Variants in SNX25 observed in about 807,000 individuals in gnomAD.
The protein encoded by SNX25 is sorting nexin 25.
In SNX25, 62 loss-of-function variants were observed where a neutral mutation model predicts 113.7. The ratio of observed to expected loss-of-function variants is 0.55; its 90% CI spans 0.44 to 0.67. The LOEUF is 0.67. Ranked by LOEUF, SNX25 falls within the 30% of genes least tolerant of loss-of-function variation. The pLI, the probability that SNX25 is intolerant of heterozygous loss-of-function variation, is 0.00. For missense variants in SNX25, 1,014 were observed against 1,161.0 expected, an observed-to-expected ratio of 0.87 and a Z score of 1.84; for synonymous variants, 421 against 436.2, an observed-to-expected ratio of 0.97 and a Z score of 0.43.
chr4:185,209,796 T>C lies in SNX25; in HGVS notation c.-31T>C, dbSNP rs1343569388. On this transcript the variant is annotated 5_prime_UTR_variant, in exon 1 of 19. The change abolishes an upstream ATG in the 5' untranslated region. Coordinates refer to ENST00000652585, the MANE Select transcript of SNX25 (RefSeq NM_001378034.2). This position sits in a 1 kb window ranked among gnomAD's most constrained non-coding sequence, Gnocchi z 5.2. ...CGGCGGGGGACCGGGGGGCAGGAGA[T>C]GTGCCTGTCCTTAGCGGCCCAGGAA... is the stretch of plus-strand genomic sequence containing the variant. The C allele has an allele frequency of 1.0e-6, 1 of 983,142 alleles. No individual in the cohort carries two copies. Among genetic ancestry groups the C allele is most frequent in the Non-Finnish European group, 1.2e-6 (1 of 829,200 alleles). 60.9% of individuals were successfully genotyped at this position (983,142 alleles called of 1,614,324 possible).
At chr4:185,242,793 G>C (rs1347233153) in intron 1 of SNX25, among the ~76,000 whole-genome samples, 1 of 152,216 alleles carries the variant, frequency 6.6e-6, no homozygotes, top group African/African-American at 2.4e-5. Context: ...AAAGGTCAGA[G>C]ACTTGCCCCC....
chr4:185,372,521 T>A (rs966727883), downstream of SNX25, among the ~76,000 whole-genome samples: 8 of 152,332 alleles, frequency 5.3e-5, no homozygotes, highest in African/African-American at 1.9e-4. Flanking sequence ...TATCAATACT[T>A]TCATCCAGTT....
chr4:185,348,886 G>A (rs1386591919), intron 13 of SNX25, among the ~76,000 whole-genome samples: 1 of 151,968 alleles, frequency 6.6e-6, no homozygotes, highest in Admixed American at 6.6e-5. Context: ...CCAGTCTCTG[G>A]TAACCACCTC....
chr4:185,276,781 C>G (rs1749758196), intron 5 of SNX25, among the ~76,000 whole-genome samples: 2 of 152,262 alleles, frequency 1.3e-5, no homozygotes, highest in Non-Finnish European at 2.9e-5. Flanking sequence ...GCCGCCCTGT[C>G]TCCCTGGCAG....
chr4:185,377,135 A>G, the SNX25 span: 1 of 766,604 alleles, frequency 1.3e-6, no homozygotes, highest in Non-Finnish European at 2.2e-6. Flanking sequence ...TCTAGTGCTC[A>G]TTCCTACAAC....
intron 8 of SNX25, among the ~76,000 whole-genome samples, chr4:185,321,486 C>T (rs2095119942): frequency 6.6e-6 from 1 of 152,118 alleles, no homozygotes; most frequent in Non-Finnish European, 1.5e-5. Context: ...TGGTCGCGAA[C>T]TCCTGACCTC....
At chr4:185,266,186 A>AG (rs1363949799) in intron 4 of SNX25, among the ~76,000 whole-genome samples, 1 of 152,180 alleles carries the variant, frequency 6.6e-6, no homozygotes, top group Non-Finnish European at 1.5e-5. Context: ...TCAAGTTACA[A>AG]GGATGGCTTT....
chr4:185,253,473 C>CT (rs1189589905), intron 2 of SNX25, among the ~76,000 whole-genome samples: 163 of 142,838 alleles, frequency 1.1e-3, no homozygotes, highest in African/African-American at 1.7e-3. Context: ...TTCTTTTCTT[C>CT]TTTTTTTTTT....
At chr4:185,335,386 G>A (rs1403579393) in intron 10 of SNX25, among the ~76,000 whole-genome samples, 2 of 151,374 alleles carry the variant, frequency 1.3e-5, no homozygotes, top group Non-Finnish European at 2.9e-5. Context: ...TAAGATTGAT[G>A]TTGAAAAAGG....
chr4:185,207,613 C>G (rs1156285816), upstream of SNX25: 1 of 152,010 alleles, frequency 6.6e-6, no homozygotes, highest in Non-Finnish European at 1.5e-5. Flanking sequence ...TCAGAGAATT[C>G]TTAGGAAGCA....
At chr4:185,219,799 A>C (rs1473104319) in intron 1 of SNX25, among the ~76,000 whole-genome samples, 1 of 152,118 alleles carries the variant, frequency 6.6e-6, no homozygotes. Flanking sequence ...AACTCATAAA[A>C]ATATATACCC....
At chr4:185,346,726 T>C in intron 13 of SNX25, 76 bp downstream of exon 13, 1 of 951,954 alleles carries the variant, frequency 1.1e-6, no homozygotes, top group Non-Finnish European at 1.6e-6. Context: ...TTCTACGAGC[T>C]TGGTAGTTTG....
chr4:185,209,878 G>A lies in SNX25; in HGVS notation c.52G>A (p.Ala18Thr). The A allele has an allele frequency of 1.0e-6, 1 of 983,328 alleles. No homozygotes were observed. Among genetic ancestry groups the A allele is most frequent in the Non-Finnish European group, 1.2e-6 (1 of 829,200 alleles). 60.9% of individuals were successfully genotyped at this position (983,328 alleles called of 1,614,324 possible). Reference sequence around the variant, plus strand: ...CGGCGCCGGCCCCAGCCCCGCGCGGGCCGCAGGCGCCGGCGGCCGTCCTGT... The same window carrying A: ...CGGCGCCGGCCCCAGCCCCGCGCGGACCGCAGGCGCCGGCGGCCGTCCTGT... ...SGGAGPSPAR[A>T]AGAGGRPVSG... The change falls in exon 1 of 19, where the codon GCC (alanine) becomes ACC (threonine). Residue 18 changes from alanine to threonine, a missense_variant. Ala to Thr is a moderately conservative substitution (Grantham distance 58). Coordinates refer to ENST00000652585, the MANE Select transcript of SNX25 (RefSeq NM_001378034.2). The surrounding 1 kb of genome is among the most constrained non-coding windows in gnomAD (Gnocchi z 5.2).
intron 10 of SNX25, among the ~76,000 whole-genome samples, chr4:185,333,362 T>C (rs948097347): frequency 2.6e-5 from 4 of 152,228 alleles, no homozygotes; most frequent in African/African-American, 7.2e-5. Context: ...TCTGAATGTG[T>C]GTTTGAGGAT....
intron 1 of SNX25, among the ~76,000 whole-genome samples, chr4:185,225,268 A>G (rs1484851173): frequency 6.6e-6 from 1 of 151,898 alleles, no homozygotes; most frequent in Non-Finnish European, 1.5e-5. Flanking sequence ...ATAGGCGCCC[A>G]CTACTCGGGC....
chr4:185,245,395 T>C (rs1179475792), intron 1 of SNX25, among the ~76,000 whole-genome samples: 1 of 151,872 alleles, frequency 6.6e-6, no homozygotes, highest in Admixed American at 6.6e-5. Context: ...TGGAGTGCAG[T>C]GGCGAGATCT....
intron 1 of SNX25, among the ~76,000 whole-genome samples, chr4:185,240,255 A>C (rs1240461219): frequency 1.1e-4 from 16 of 152,122 alleles, no homozygotes; most frequent in Non-Finnish European, 1.6e-4. Flanking sequence ...CATTGTCATC[A>C]TGGCCCGTTC....
Position 185,362,578 on chromosome 4 carries a change from A to G in SNX25, c.2834-33A>G, listed in dbSNP as rs750069328. On this transcript the variant is annotated intron_variant, in intron 17 of 18. Coordinates refer to ENST00000652585, the MANE Select transcript of SNX25 (RefSeq NM_001378034.2). ...AAGCTATGCACTGAGCACTTTATCAATAGCAGCATAGAATCTACACTTAAT... is the reference window on the plus strand; with the variant it reads ...AAGCTATGCACTGAGCACTTTATCAGTAGCAGCATAGAATCTACACTTAAT... The G allele has an allele frequency of 2.4e-5, 38 of 1,593,908 alleles. No homozygotes were observed. The South Asian group carries it at 3.8e-4, about 16-fold the overall frequency.
intron 5 of SNX25, among the ~76,000 whole-genome samples, chr4:185,280,497 T>C (rs1398806971): frequency 2.6e-5 from 4 of 152,248 alleles, no homozygotes; most frequent in Non-Finnish European, 5.9e-5. Flanking sequence ...TGGTTAACTT[T>C]GAATGTTGTG....
Sources: allele counts gnomAD v4.1 joint callset (sites outside exome capture counted in the v4.1 genomes callset), GRCh38; gene constraint gnomAD v4.1.1; non-coding constraint Gnocchi (gnomAD v3.1); transcripts MANE v1.5; gene names NCBI Gene and HGNC (gene_info 2026-07-23, HGNC 2026-07-21).